Variants in WDFY4 observed in about 807,000 individuals in gnomAD.
WDFY4 encodes the protein WDFY family member 4.
A neutral mutation model predicts 351.9 loss-of-function variants in WDFY4; 169 were observed. That is an observed-to-expected ratio of 0.48 (90% CI 0.42 to 0.55). WDFY4 has a LOEUF of 0.55. Among genes scored for constraint, WDFY4 ranks in the 20% least tolerant of loss-of-function variants. The pLI is 0.00. For missense variants in WDFY4, 3,803 were observed against 3,935.6 expected, an observed-to-expected ratio of 0.97 and a Z score of 0.90; for synonymous variants, 1,622 against 1,574.6, an observed-to-expected ratio of 1.03 and a Z score of -0.71.
chr10:48,781,991 C>A (rs899430252), intron 19 of WDFY4, among the ~76,000 whole-genome samples: 9 of 152,162 alleles, frequency 5.9e-5, no homozygotes, highest in Non-Finnish European at 1.2e-4. Context: ...GTTACAGAAA[C>A]TAGATTCATT....
At chr10:48,801,124 A>G (rs1359868150) in intron 24 of WDFY4, among the ~76,000 whole-genome samples, 1 of 152,222 alleles carries the variant, frequency 6.6e-6, no homozygotes, top group Admixed American at 6.5e-5. Flanking sequence ...CACATTATAC[A>G]GTCCATACTC....
intron 10 of WDFY4, among the ~76,000 whole-genome samples, chr10:48,735,344 A>G (rs1056750170): frequency 6.6e-6 from 1 of 152,246 alleles, no homozygotes; most frequent in Admixed American, 6.5e-5. Context: ...TAGAAATTAA[A>G]TATATTCTTA....
chr10:48,915,760 G>A (rs1838466502), intron 47 of WDFY4, among the ~76,000 whole-genome samples: 1 of 152,172 alleles, frequency 6.6e-6, no homozygotes, highest in Admixed American at 6.5e-5. Flanking sequence ...ACAGCCGCCT[G>A]GGATAGATGG....
intron 39 of WDFY4, among the ~76,000 whole-genome samples, chr10:48,848,121 AC>A (rs1220115934): frequency 1.3e-5 from 2 of 151,742 alleles, no homozygotes; most frequent in African/African-American, 4.8e-5. Flanking sequence ...TCCCCCAAAG[AC>A]CCCTGAGCCC....
chr10:48,770,098 G>GA (rs1312016934), intron 13 of WDFY4, among the ~76,000 whole-genome samples: 1 of 152,150 alleles, frequency 6.6e-6, no homozygotes, highest in African/African-American at 2.4e-5. Flanking sequence ...AACTAACGTT[G>GA]AAAAAAACAG....
intron 39 of WDFY4, among the ~76,000 whole-genome samples, chr10:48,840,149 C>A (rs1006375142): frequency 1.3e-5 from 2 of 152,196 alleles, no homozygotes; most frequent in African/African-American, 4.8e-5. Flanking sequence ...TCAAAAGTTT[C>A]TGTTTTCACT....
At chr10:48,869,687 G>T (rs752113220) in intron 40 of WDFY4, among the ~76,000 whole-genome samples, 1 of 151,864 alleles carries the variant, frequency 6.6e-6, no homozygotes, top group Non-Finnish European at 1.5e-5. Flanking sequence ...TACATACTTA[G>T]GCCATCCAGT....
At chr10:48,712,349 T>C (rs1039440805) in intron 2 of WDFY4, among the ~76,000 whole-genome samples, 2 of 152,230 alleles carry the variant, frequency 1.3e-5, no homozygotes, top group African/African-American at 4.8e-5. Flanking sequence ...CAGCCTCCAG[T>C]GTACTTACTG....
At chr10:48,707,970 C>T (rs374108296) in intron 1 of WDFY4, among the ~76,000 whole-genome samples, 2 of 152,256 alleles carry the variant, frequency 1.3e-5, no homozygotes, top group South Asian at 2.1e-4. Flanking sequence ...CACAAAACCC[C>T]ATCCCAGTGC....
At chr10:48,863,333 A>G (rs925006239) in intron 39 of WDFY4, among the ~76,000 whole-genome samples, 6 of 152,190 alleles carry the variant, frequency 3.9e-5, no homozygotes, top group African/African-American at 1.4e-4. Context: ...GTTTCTATTT[A>G]TCCATACTCT....
At chr10:48,857,277 T>C (rs1275662011) in intron 39 of WDFY4, among the ~76,000 whole-genome samples, 1 of 152,122 alleles carries the variant, frequency 6.6e-6, no homozygotes, top group Non-Finnish European at 1.5e-5. Flanking sequence ...TATTCAGGGT[T>C]GAGATTTAAT....
intron 24 of WDFY4, among the ~76,000 whole-genome samples, chr10:48,797,802 G>T (rs1191571720): frequency 6.6e-6 from 1 of 152,150 alleles, no homozygotes; most frequent in African/African-American, 2.4e-5. Context: ...TTAATAATGA[G>T]AATAAAGGCA....
rs1565198362 is a variant in WDFY4 at position 48,787,891 on chromosome 10, CTCCTTCTTCTTCTT to C, written c.3809-638_3809-625del. Among the ~76,000 whole-genome samples the C allele has an allele frequency of 2.4e-3, 160 of 66,772 alleles. 9 individuals carry two copies. Among genetic ancestry groups the C allele is most frequent in the African/African-American group, 0.015 (149 of 10,030 alleles). 43.8% of individuals were successfully genotyped at this position (66,772 alleles called of 152,430 possible). ...TCTTTCTTCTTTCTTTCTTCTTCTT[CTCCTTCTTCTTCTT>C]CTTCTTCTTCTTCTTCTTCTTCTTC... On this transcript the variant is annotated intron_variant, in intron 20 of 61. Transcript: ENST00000325239.
At chr10:48,833,241 G>A (rs1049349989) in intron 39 of WDFY4, among the ~76,000 whole-genome samples, 1 of 151,824 alleles carries the variant, frequency 6.6e-6, no homozygotes, top group Non-Finnish European at 1.5e-5. Flanking sequence ...GGTGGGTGGG[G>A]GGACAGGTTA....
chr10:48,736,757 A>G (rs952852290), intron 11 of WDFY4, among the ~76,000 whole-genome samples: 12 of 152,164 alleles, frequency 7.9e-5, no homozygotes, highest in African/African-American at 2.9e-4. Context: ...GCAGGTTGCT[A>G]TGGGAACACA....
intron 1 of WDFY4, among the ~76,000 whole-genome samples, chr10:48,699,571 C>G (rs936999869): frequency 6.6e-6 from 1 of 152,164 alleles, no homozygotes; most frequent in African/African-American, 2.4e-5. Flanking sequence ...GAGTTGCAGG[C>G]TCCTGCTCCC....
chr10:48,856,708 G>C (rs1457748092), intron 39 of WDFY4, among the ~76,000 whole-genome samples: 1 of 152,106 alleles, frequency 6.6e-6, no homozygotes, highest in Non-Finnish European at 1.5e-5. Context: ...TGCACTTTGA[G>C]TGACTATTTT....
At chr10:48,805,910 C>T (rs2067237571) in intron 26 of WDFY4, 94 bp from the exon 27 acceptor site, 1 of 984,944 alleles carries the variant, frequency 1.0e-6, no homozygotes. Context: ...CTTGCAGCTG[C>T]ACGTGGGTGG....
At position 48,828,770 on chromosome 10, in the gene WDFY4, T is replaced by C. The variant is rs1219063701; in HGVS notation, c.6222-8T>C. On this transcript the variant is annotated splice_region_variant and splice_polypyrimidine_tract_variant and intron_variant, in intron 36 of 61. Coordinates refer to ENST00000325239, the MANE Select transcript of WDFY4 (RefSeq NM_001394531.1). ...TTGGATTTTAGTGAAAAATCTCTTA[T>C]CCACTAGTTACCCAGAAGGATTTGG... 11 of 1,500,518 alleles carry C rather than the reference T, an allele frequency of 7.3e-6. No individual in the cohort carries two copies. Among genetic ancestry groups the C allele is most frequent in the East Asian group, 2.5e-5 (1 of 40,336 alleles). 93.0% of individuals were successfully genotyped at this position (1,500,518 alleles called of 1,614,324 possible).
Sources: gnomAD v4.1 joint callset for allele counts (sites outside exome capture counted in the v4.1 genomes callset) on GRCh38, gnomAD v4.1.1 for gene constraint, MANE v1.5 for transcripts, NCBI Gene and HGNC (gene_info 2026-07-23, HGNC 2026-07-21) for gene names.